TYR: variants seen among roughly 807,000 people sequenced by gnomAD.
TYR encodes tyrosinase.
Under a neutral mutation model 51.5 loss-of-function variants are expected in TYR, and 58 were observed. The ratio of observed to expected loss-of-function variants is 1.13; its 90% confidence interval spans 0.91 to 1.40. The LOEUF is 1.40. Among genes scored for constraint, TYR ranks in the 40% most tolerant of loss-of-function variants. The pLI is 0.00. For synonymous variants in TYR, 263 were observed against 235.2 expected (o/e 1.12, Z -1.08); for missense variants, 732 against 647.4 (o/e 1.13, Z -1.42).
At chr11:89,286,955 G>T (rs556381260) in intron 4 of TYR, among the ~76,000 whole-genome samples, 1 of 151,748 alleles carries the variant, frequency 6.6e-6, no homozygotes, top group Admixed American at 6.6e-5. Context: ...TCCAAAACAC[G>T]CTAGACTTTC....
intron 2 of TYR, among the ~76,000 whole-genome samples, chr11:89,197,423 C>T (rs565473353): frequency 1.1e-4 from 17 of 152,240 alleles, no homozygotes; most frequent in African/African-American, 3.8e-4. Flanking sequence ...ATTCGTAATA[C>T]ATTAAATGTT....
At chr11:89,204,212 A>C (rs969955869) in intron 2 of TYR, among the ~76,000 whole-genome samples, 1 of 152,180 alleles carries the variant, frequency 6.6e-6, no homozygotes, top group African/African-American at 2.4e-5. Context: ...CCATGGCATT[A>C]GGGGAAAGTA....
intron 3 of TYR, among the ~76,000 whole-genome samples, chr11:89,269,842 A>T (rs919079431): frequency 2.6e-5 from 4 of 151,928 alleles, no homozygotes; most frequent in African/African-American, 7.2e-5. Flanking sequence ...GTGTTTCAAC[A>T]TTAGCCAGGA....
chr11:89,193,988 C>A (rs990756768), intron 2 of TYR, among the ~76,000 whole-genome samples: 9 of 152,030 alleles, frequency 5.9e-5, no homozygotes, highest in Non-Finnish European at 7.4e-5. Context: ...CTCATATAGC[C>A]ACAGAACAGT....
chr11:89,281,166 C>A (rs1944717545), intron 3 of TYR, among the ~76,000 whole-genome samples: 1 of 151,554 alleles, frequency 6.6e-6, no homozygotes. Flanking sequence ...TGCAGTATTT[C>A]TATTTATTTC....
At chr11:89,250,540 G>A (rs980064184) in intron 3 of TYR, among the ~76,000 whole-genome samples, 3 of 151,772 alleles carry the variant, frequency 2.0e-5, no homozygotes, top group African/African-American at 7.3e-5. Flanking sequence ...AGACTAGGTG[G>A]CTTAAAAAAC....
chr11:89,194,241 A>AT, intron 2 of TYR, among the ~76,000 whole-genome samples: 1 of 151,952 alleles, frequency 6.6e-6, no homozygotes, highest in Non-Finnish European at 1.5e-5. Context: ...CTTCCTCCTC[A>AT]TTTTTTTAAT....
chr11:89,260,943 G>T (rs1944449441), intron 3 of TYR, among the ~76,000 whole-genome samples: 1 of 152,050 alleles, frequency 6.6e-6, no homozygotes, highest in Admixed American at 6.6e-5. Flanking sequence ...TAAGCGGCAG[G>T]TGAACTGGGC....
chr11:89,286,569 C>A (rs598769), intron 4 of TYR, among the ~76,000 whole-genome samples: 1 of 151,438 alleles, frequency 6.6e-6, no homozygotes, highest in Non-Finnish European at 1.5e-5. Context: ...GTATATGGTA[C>A]AATATATACA....
In TYR at chr11:89,191,248, G is replaced by A. The variant is rs1424283521; in HGVS notation, c.866G>A (p.Cys289Tyr). 1.2e-6 allele frequency: 2 copies of A among 1,613,442 alleles called. No homozygotes were observed. Among genetic ancestry groups the A allele is most frequent in the African/African-American group, 2.7e-5 (2 of 74,834 alleles). The change falls in exon 2 of 5, where the codon TGC (cysteine) becomes TAC (tyrosine). Residue 289 changes from cysteine to tyrosine, a missense_variant. Coordinates refer to ENST00000263321, the MANE Select transcript of TYR (RefSeq NM_000372.5). ...LEEYNSHQSL[C>Y]NGTPEGPLRR... ...GAGTACAACAGCCATCAGTCTTTAT[G>A]CAATGGAACGCCCGAGGGACCTTTA...
chr11:89,246,791 A>G (rs1292846381), intron 3 of TYR, among the ~76,000 whole-genome samples: 1 of 152,044 alleles, frequency 6.6e-6, no homozygotes, highest in Admixed American at 6.6e-5. Flanking sequence ...AAACAGTCCA[A>G]CCAGAAGGGC....
intron 3 of TYR, among the ~76,000 whole-genome samples, chr11:89,238,602 T>C (rs1348210642): frequency 6.6e-6 from 1 of 152,198 alleles, no homozygotes; most frequent in Non-Finnish European, 1.5e-5. Flanking sequence ...CTAATTGCTC[T>C]AGCTAGGACT....
At chr11:89,259,800 G>A (rs1944436225) in intron 3 of TYR, among the ~76,000 whole-genome samples, 2 of 151,998 alleles carry the variant, frequency 1.3e-5, no homozygotes, top group South Asian at 4.2e-4. Flanking sequence ...CATAATGACA[G>A]AACCATATGT....
intron 3 of TYR, among the ~76,000 whole-genome samples, chr11:89,238,477 T>C (rs1487568286): frequency 6.6e-6 from 1 of 152,164 alleles, no homozygotes; most frequent in Non-Finnish European, 1.5e-5. Flanking sequence ...TTTTAATTTT[T>C]AATAGAATTT....
intron 3 of TYR, among the ~76,000 whole-genome samples, chr11:89,272,509 G>A (rs1455057361): frequency 6.6e-6 from 1 of 151,786 alleles, no homozygotes; most frequent in African/African-American, 2.4e-5. Context: ...AGCACAGGCA[G>A]GGTAGATTTA....
chr11:89,262,438 A>G (rs1489899842), intron 3 of TYR, among the ~76,000 whole-genome samples: 1 of 152,028 alleles, frequency 6.6e-6, no homozygotes, highest in Non-Finnish European at 1.5e-5. Context: ...CTTAGAAACA[A>G]GAAAATAAAA....
chr11:89,269,941 G>A (rs1181713358), intron 3 of TYR, among the ~76,000 whole-genome samples: 2 of 151,794 alleles, frequency 1.3e-5, no homozygotes, highest in African/African-American at 4.8e-5. Flanking sequence ...GTAAAAGTAG[G>A]CTGTCTATCT....
chr11:89,223,574 C>A (rs1039539739), intron 2 of TYR, among the ~76,000 whole-genome samples: 21 of 152,220 alleles, frequency 1.4e-4, no homozygotes, highest in East Asian at 1.2e-3. Flanking sequence ...GAAATTGTCT[C>A]TCTTATTCCC....
At chr11:89,241,393 C>T (rs1944191898) in intron 3 of TYR, among the ~76,000 whole-genome samples, 2 of 152,092 alleles carry the variant, frequency 1.3e-5, no homozygotes, top group African/African-American at 4.8e-5. Context: ...ACCATTAGTT[C>T]TGCATTGATC....
Sources: gnomAD v4.1 joint callset for allele counts (sites outside exome capture counted in the v4.1 genomes callset) on GRCh38, gnomAD v4.1.1 for gene constraint, MANE v1.5 for transcripts, NCBI Gene and HGNC (gene_info 2026-07-23, HGNC 2026-07-21) for gene names.